The following UGGT2 variants were observed in gnomAD, a reference collection of about 807,000 sequenced individuals.
UGGT2 encodes the protein UDP-glucose glycoprotein glucosyltransferase 2.
A neutral mutation model predicts 192.1 loss-of-function variants in UGGT2; 180 were observed. The ratio of observed to expected loss-of-function variants is 0.94; its 90% CI spans 0.83 to 1.06. The LOEUF (loss-of-function observed/expected upper bound fraction) is 1.06. UGGT2 is among the 50% of genes least tolerant of loss of function. UGGT2 has a pLI of 0.00. For synonymous variants in UGGT2, 580 were observed against 591.0 expected (o/e 0.98, Z 0.27); for missense variants, 1,849 against 1,795.7 (o/e 1.03, Z -0.54).
chr13:95,816,063 A>G (rs1383240185), intron 38 of UGGT2, among the ~76,000 whole-genome samples: 1 of 152,136 alleles, frequency 6.6e-6, no homozygotes, highest in Admixed American at 6.6e-5. Context: ...AAGCTCCTTG[A>G]GGCTTCCCCA....
At chr13:96,010,575 AT>A (rs749683933) in intron 5 of UGGT2, among the ~76,000 whole-genome samples, 18 of 152,316 alleles carry the variant, frequency 1.2e-4, no homozygotes, top group Non-Finnish European at 2.5e-4. Flanking sequence ...TTAAAAAAAA[AT>A]AAATGGCATA....
rs1463980429 is a variant in UGGT2, at chr13:95,854,468, C to A, written c.4016G>T (p.Arg1339Ile). 3 of 1,604,338 alleles carry A rather than the reference C, an allele frequency of 1.9e-6. No homozygotes were observed. The highest frequency in any genetic ancestry group is 2.5e-6 in the Non-Finnish European group (3 of 1,176,658). ...ATCTCGAAGTTCTTTTAGATCATGTCTCACAATCTAAATAATTAAAATAGA... is the reference window on the plus strand; with the variant it reads ...ATCTCGAAGTTCTTTTAGATCATGTATCACAATCTAAATAATTAAAATAGA... ...IIFVDADQIV[R>I]HDLKELRDFD... Residue 1339 changes from arginine (R) to isoleucine (I), a missense_variant, in exon 35 of 39, where the codon AGA (arginine) becomes ATA (isoleucine). Coordinates refer to ENST00000376747, the MANE Select transcript of UGGT2 (RefSeq NM_020121.4).
intron 12 of UGGT2, among the ~76,000 whole-genome samples, chr13:95,958,614 A>G (rs1440307723): frequency 3.3e-5 from 5 of 149,638 alleles, no homozygotes; most frequent in Non-Finnish European, 5.9e-5. Flanking sequence ...TTTTTTTTTA[A>G]GAAGGGGCTT....
chr13:95,970,379 G>A, intron 11 of UGGT2, 117 bp from the exon 12 acceptor site: 1 of 863,796 alleles, frequency 1.2e-6, no homozygotes, highest in Non-Finnish European at 1.8e-6. Flanking sequence ...TTCATTAATA[G>A]CAGGAAAAAT....
chr13:95,815,154 G>A (rs1884764161), intron 38 of UGGT2, among the ~76,000 whole-genome samples: 2 of 152,160 alleles, frequency 1.3e-5, no homozygotes, highest in African/African-American at 2.4e-5. Context: ...TTCTCACTAA[G>A]ATGAAAAACA....
chr13:95,882,490 C>CT (rs1205253433), intron 27 of UGGT2, among the ~76,000 whole-genome samples: 1 of 152,106 alleles, frequency 6.6e-6, no homozygotes, highest in Non-Finnish European at 1.5e-5. Context: ...TACCAAATGC[C>CT]TTTGTTATTT....
At chr13:96,019,122 C>G (rs1183107882) in intron 4 of UGGT2, among the ~76,000 whole-genome samples, 49 of 25,736 alleles carry the variant, frequency 1.9e-3, no homozygotes, top group South Asian at 5.0e-3. Context: ...CCCTACATAG[C>G]GGGGGGGGGG....
At chr13:95,983,743 C>G (rs1407123393) in intron 10 of UGGT2, 61 bp downstream of exon 10, 1 of 1,235,848 alleles carries the variant, frequency 8.1e-7, no homozygotes, top group Non-Finnish European at 1.1e-6. Flanking sequence ...TATTGAAGAT[C>G]CAAAGTCAGA....
At chr13:95,909,641 T>C (rs1235142434) in intron 20 of UGGT2, among the ~76,000 whole-genome samples, 1 of 145,000 alleles carries the variant, frequency 6.9e-6, no homozygotes, top group Admixed American at 6.8e-5. Flanking sequence ...TCGGGAGATA[T>C]ACCTAATGCT....
intron 17 of UGGT2, among the ~76,000 whole-genome samples, chr13:95,933,163 G>A (rs901230372): frequency 6.6e-6 from 1 of 152,180 alleles, no homozygotes; most frequent in African/African-American, 2.4e-5. Context: ...ATTGGTAACA[G>A]TTCTTCTTTA....
chr13:95,861,808 A>G (rs1292309347), intron 31 of UGGT2, among the ~76,000 whole-genome samples: 1 of 152,132 alleles, frequency 6.6e-6, no homozygotes, highest in East Asian at 1.9e-4. Flanking sequence ...TTCAGTGGCA[A>G]GAAAAAATAA....
intron 20 of UGGT2, among the ~76,000 whole-genome samples, chr13:95,920,561 T>C (rs1003579715): frequency 3.3e-5 from 5 of 152,070 alleles, no homozygotes; most frequent in African/African-American, 7.2e-5. Flanking sequence ...AAAGAAGATA[T>C]ACATGTGGCC....
intron 5 of UGGT2, among the ~76,000 whole-genome samples, chr13:96,001,087 T>C (rs1224249072): frequency 6.6e-6 from 1 of 152,182 alleles, no homozygotes; most frequent in African/African-American, 2.4e-5. Context: ...AATGGTCACA[T>C]TCTCTATGTC....
At position 95,856,365 on chromosome 13, in the gene UGGT2, A is replaced by C. The variant is rs753504150; in HGVS notation, c.3826-25T>G. 3.1e-6 allele frequency: 5 copies of C among 1,589,744 alleles called. No individual in the cohort carries two copies. In the East Asian group the frequency reaches 6.7e-5, roughly 21 times the overall value. On this transcript the variant is annotated intron_variant, in intron 33 of 38. Coordinates refer to ENST00000376747, the MANE Select transcript of UGGT2 (RefSeq NM_020121.4). ...CCTAAAAACACACACACAAAATCAA[A>C]CAATATGTTCAAGAGAAAGTAGTTT...
chr13:96,046,622 C>G (rs773133009), intron 1 of UGGT2, among the ~76,000 whole-genome samples: 1 of 152,162 alleles, frequency 6.6e-6, no homozygotes, highest in Non-Finnish European at 1.5e-5. Context: ...ACAGTGGGTA[C>G]AGGGCAGTGG....
At chr13:95,889,990 G>T (rs2047754811) in intron 25 of UGGT2, among the ~76,000 whole-genome samples, 1 of 152,192 alleles carries the variant, frequency 6.6e-6, no homozygotes, top group Non-Finnish European at 1.5e-5. Flanking sequence ...GGCAGTGCCT[G>T]AGTCCCTCAC....
intron 21 of UGGT2, among the ~76,000 whole-genome samples, chr13:95,901,433 G>C (rs917961359): frequency 6.6e-6 from 1 of 152,062 alleles, no homozygotes. Context: ...AAAATATATG[G>C]ACATTCACAG....
chr13:95,859,522 A>G, intron 33 of UGGT2, 69 bp downstream of exon 33: 1 of 1,246,500 alleles, frequency 8.0e-7, no homozygotes. Context: ...ATATCATATA[A>G]ACTTACAATG....
At chr13:95,819,141 G>A (rs1237362760) in intron 38 of UGGT2, among the ~76,000 whole-genome samples, 1 of 152,194 alleles carries the variant, frequency 6.6e-6, no homozygotes, top group East Asian at 1.9e-4. Flanking sequence ...ATTCCAAGAT[G>A]AGCTAAAAAG....
Sources: allele counts gnomAD v4.1 joint callset (sites outside exome capture counted in the v4.1 genomes callset), GRCh38; gene constraint gnomAD v4.1.1; transcripts MANE v1.5; gene names NCBI Gene and HGNC (gene_info 2026-07-23, HGNC 2026-07-21).